Variants in SDK1 observed in about 807,000 individuals in gnomAD.
SDK1 encodes protein sidekick-1.
Under a neutral mutation model 245.5 loss-of-function variants are expected in SDK1, and 157 were observed. The ratio of observed to expected loss-of-function variants is 0.64; its 90% CI spans 0.56 to 0.73. SDK1 has a LOEUF of 0.73. SDK1 is among the 30% of genes least tolerant of loss of function. The pLI is 0.00. For missense variants in SDK1, 3,583 were observed against 3,002.3 expected (o/e 1.19, Z -4.52); for synonymous variants, 1,647 against 1,278.5 (o/e 1.29, Z -6.15).
At chr7:4,151,610 C>T (rs1780387310) in intron 30 of SDK1, among the ~76,000 whole-genome samples, 1 of 152,118 alleles carries the variant, frequency 6.6e-6, no homozygotes, top group Admixed American at 6.5e-5. Flanking sequence ...AAAGCTCTGA[C>T]AGGACTTCAC....
chr7:3,721,936 T>C (rs1562395792), intron 4 of SDK1, among the ~76,000 whole-genome samples: 1 of 152,190 alleles, frequency 6.6e-6, no homozygotes, highest in African/African-American at 2.4e-5. Context: ...TTTCCTTTCC[T>C]CTTTCCTTTC....
chr7:3,731,279 G>C (rs977352889), intron 4 of SDK1, among the ~76,000 whole-genome samples: 4 of 152,132 alleles, frequency 2.6e-5, no homozygotes, highest in African/African-American at 9.7e-5. Flanking sequence ...GTGGGTCCAG[G>C]AGAGAAAGAA....
At chr7:3,374,994 T>C (rs1211506364) in intron 1 of SDK1, among the ~76,000 whole-genome samples, 3 of 152,210 alleles carry the variant, frequency 2.0e-5, no homozygotes, top group Non-Finnish European at 2.9e-5. Context: ...ATGTGCCACA[T>C]AGTAGACATT....
chr7:3,482,680 A>T (rs1038874583), intron 1 of SDK1, among the ~76,000 whole-genome samples: 2 of 152,196 alleles, frequency 1.3e-5, no homozygotes, highest in African/African-American at 4.8e-5. Flanking sequence ...AAACAATTCA[A>T]CGTGGTCTTC....
At chr7:3,723,244 T>G (rs1010845326) in intron 4 of SDK1, among the ~76,000 whole-genome samples, 5 of 152,226 alleles carry the variant, frequency 3.3e-5, no homozygotes, top group Admixed American at 3.3e-4. Flanking sequence ...TTAGACCAAG[T>G]AAGTAAGCTG....
chr7:4,029,511 G>T (rs749300138), intron 17 of SDK1, among the ~76,000 whole-genome samples: 2 of 149,798 alleles, frequency 1.3e-5, no homozygotes, highest in Admixed American at 6.6e-5. Context: ...ATGCCCTGCC[G>T]ATTTTCTTTC....
intron 1 of SDK1, among the ~76,000 whole-genome samples, chr7:3,584,173 C>G (rs934171806): frequency 6.6e-5 from 10 of 152,144 alleles, no homozygotes; most frequent in Admixed American, 2.0e-4. Flanking sequence ...TGGGAATAAA[C>G]AGGTGCTTGC....
intron 4 of SDK1, among the ~76,000 whole-genome samples, chr7:3,761,081 A>G (rs953911477): frequency 6.6e-6 from 1 of 152,190 alleles, no homozygotes; most frequent in Non-Finnish European, 1.5e-5. Flanking sequence ...TCAGATAAGT[A>G]TGTGTGTAAT....
intron 35 of SDK1, among the ~76,000 whole-genome samples, chr7:4,188,533 T>A (rs2128221916): frequency 6.6e-6 from 1 of 152,314 alleles, no homozygotes; most frequent in Non-Finnish European, 1.5e-5. Flanking sequence ...ATACTTTGTC[T>A]TTAATTTTAT....
chr7:4,259,979 A>G (rs1787877535), intron 44 of SDK1, among the ~76,000 whole-genome samples: 1 of 152,248 alleles, frequency 6.6e-6, no homozygotes, highest in Non-Finnish European at 1.5e-5. Context: ...AGCCAGTTGC[A>G]GAGATCATGC....
chr7:3,606,293 G>C (rs1015383309), intron 1 of SDK1, among the ~76,000 whole-genome samples: 1 of 152,152 alleles, frequency 6.6e-6, no homozygotes, highest in Non-Finnish European at 1.5e-5. Context: ...ACTGCAACCA[G>C]TTTACCAAAT....
intron 1 of SDK1, among the ~76,000 whole-genome samples, chr7:3,504,182 A>ATATATGTGTGTGTGTGTGTGTG (rs375661314): frequency 2.3e-5 from 3 of 131,942 alleles, no homozygotes; most frequent in Admixed American, 1.6e-4. Context: ...ATATATATAT[A>ATATATGTGTGTGTGTGTGTGTG]TGTGTGTGTG....
intron 4 of SDK1, among the ~76,000 whole-genome samples, chr7:3,766,887 T>C (rs1780269647): frequency 6.6e-6 from 1 of 152,212 alleles, no homozygotes. Flanking sequence ...GCTCATGGCA[T>C]TGTCACTTTA....
chr7:3,858,028 C>T (rs773117389), intron 5 of SDK1, among the ~76,000 whole-genome samples: 6 of 152,050 alleles, frequency 3.9e-5, no homozygotes, highest in Admixed American at 6.5e-5. Context: ...TCTATAAATT[C>T]GGTAAATCAT....
intron 4 of SDK1, among the ~76,000 whole-genome samples, chr7:3,670,833 C>A (rs1583291579): frequency 6.6e-6 from 1 of 152,164 alleles, no homozygotes; most frequent in Admixed American, 6.5e-5. Flanking sequence ...TTTTAGGTAT[C>A]CCCTTTTACT....
chr7:3,680,063 CA>C (rs1784052937), intron 4 of SDK1, among the ~76,000 whole-genome samples: 1 of 152,088 alleles, frequency 6.6e-6, no homozygotes, highest in South Asian at 2.1e-4. Flanking sequence ...AAAGAGTAAA[CA>C]AGCCGTGGTG....
chr7:3,328,061 A>G (rs949116708), intron 1 of SDK1, among the ~76,000 whole-genome samples: 4 of 152,262 alleles, frequency 2.6e-5, no homozygotes, highest in Admixed American at 2.6e-4. Context: ...AGAACTGCCT[A>G]AAAATAACGT....
intron 1 of SDK1, among the ~76,000 whole-genome samples, chr7:3,565,093 G>A (rs1779868219): frequency 6.6e-6 from 1 of 151,630 alleles, no homozygotes; most frequent in Non-Finnish European, 1.5e-5. Flanking sequence ...TGCTACTACT[G>A]TCACTTTTAT....
At position 3,665,041 on chromosome 7, in the gene SDK1, C is replaced by G. The variant is rs546479184; in HGVS notation, c.713+22936C>G. The stretch of plus-strand genomic sequence containing the variant: ...ATAACTCAGAGATCCTTGAGTTTAC[C>G]TGAAAGTAGAGAAATGAATTAATGA... On this transcript the variant is annotated intron_variant, in intron 4 of 44. Transcript: ENST00000404826. 5.9e-5 allele frequency among the ~76,000 whole-genome samples: 9 copies of G among 152,198 alleles called. 1 individual carries two copies. In the South Asian group the frequency reaches 1.9e-3, roughly 32 times the overall value.
Sources: allele counts gnomAD v4.1 joint callset (sites outside exome capture counted in the v4.1 genomes callset), GRCh38; gene constraint gnomAD v4.1.1; transcripts MANE v1.5; gene names NCBI Gene and HGNC (gene_info 2026-07-23, HGNC 2026-07-21).